The following PUDP variants were observed in gnomAD, a reference collection of about 807,000 sequenced individuals.
The protein encoded by PUDP is pseudouridine 5'-phosphatase, also known as pseudouridine-5'-phosphatase.
PUDP carries 8 observed loss-of-function variants against 9.4 expected under a neutral mutation model. That is an observed-to-expected ratio of 0.85 (90% CI 0.50 to 1.53). The LOEUF is 1.53. Ranked by LOEUF, PUDP falls within the 40% of genes most tolerant of loss-of-function variation. The pLI is 0.00. For synonymous variants in PUDP, 99 were observed against 80.7 expected (o/e 1.23, Z -1.22); for missense variants, 188 against 189.7 (o/e 0.99, Z 0.05).
intron 3 of PUDP, among the ~76,000 whole-genome samples, chrX:7,072,670 C>T (rs1343865408): frequency 2.7e-5 from 3 of 109,479 alleles, no homozygotes; most frequent in Non-Finnish European, 3.8e-5. Flanking sequence ...AAAAATTAGC[C>T]GGGCGTGGTG....
At chrX:7,122,213 A>ATGTG (rs1448276605) in intron 1 of PUDP, among the ~76,000 whole-genome samples, 5 of 59,868 alleles carry the variant, frequency 8.4e-5, no homozygotes, top group African/African-American at 4.5e-4. Flanking sequence ...AAAAACCCAT[A>ATGTG]TATGTGTGTG....
At chrX:6,935,005 G>C (rs1397216707) in intron 3 of PUDP, among the ~76,000 whole-genome samples, 6 of 77,364 alleles carry the variant, frequency 7.8e-5, no homozygotes, top group African/African-American at 2.9e-4. Context: ...GACCTACAAA[G>C]AGACTTAGAC....
At chrX:7,028,042 ATT>A (rs1929743695) in intron 1 of PUDP, among the ~76,000 whole-genome samples, 1 of 105,454 alleles carries the variant, frequency 9.5e-6, no homozygotes, top group South Asian at 4.1e-4. Context: ...ATAGAATGAT[ATT>A]GTCTATATAT....
chrX:7,085,963 C>T (rs186534705), intron 2 of PUDP, among the ~76,000 whole-genome samples: 4,490 of 112,061 alleles, frequency 0.04, 214 homozygotes, highest in African/African-American at 0.14. Flanking sequence ...GTTCCAGCCA[C>T]TCCTGCAGAC....
chrX:6,754,103 G>C (rs1294649218), intron 3 of PUDP, among the ~76,000 whole-genome samples: 4 of 111,888 alleles, frequency 3.6e-5, no homozygotes, highest in Non-Finnish European at 5.6e-5. Context: ...AATTTTTATA[G>C]TTTCAGGTCC....
intron 3 of PUDP, among the ~76,000 whole-genome samples, chrX:6,975,122 T>TC (rs1160126298): frequency 9.1e-6 from 1 of 110,400 alleles, no homozygotes; most frequent in Non-Finnish European, 1.9e-5. Context: ...TAACCTTTTT[T>TC]CAAGGTTCTT....
At chrX:6,920,451 C>G (rs185027962) in intron 3 of PUDP, among the ~76,000 whole-genome samples, 1 of 111,560 alleles carries the variant, frequency 9.0e-6, no homozygotes, top group Non-Finnish European at 1.9e-5. Flanking sequence ...GGAAAATTAT[C>G]TTGGGCCCCC....
intron 1 of PUDP, among the ~76,000 whole-genome samples, chrX:7,036,539 C>G (rs776553621): frequency 1.1e-3 from 123 of 110,022 alleles, no homozygotes; most frequent in African/African-American, 3.9e-3. Flanking sequence ...CCCTCCCATC[C>G]CCCTCTTTTT....
At chrX:7,126,128 C>T (rs1932480618) in intron 1 of PUDP, among the ~76,000 whole-genome samples, 1 of 112,082 alleles carries the variant, frequency 8.9e-6, no homozygotes, top group African/African-American at 3.2e-5. Flanking sequence ...AACAGCAATA[C>T]ACAGTACAAA....
At chrX:6,830,208 A>G (rs1326488364) in intron 3 of PUDP, among the ~76,000 whole-genome samples, 12 of 110,858 alleles carry the variant, frequency 1.1e-4, no homozygotes, top group Non-Finnish European at 2.3e-4. Flanking sequence ...AAAAAGCAAC[A>G]CGGATCTAGG....
intron 3 of PUDP, among the ~76,000 whole-genome samples, chrX:6,841,870 TA>T (rs774607597): frequency 1.5e-4 from 17 of 111,104 alleles, no homozygotes; most frequent in Non-Finnish European, 2.8e-4. Flanking sequence ...CCTGATTAAC[TA>T]AAAGAAATAG....
chrX:6,767,563 C>T (rs1283386159), intron 3 of PUDP, among the ~76,000 whole-genome samples: 1 of 112,419 alleles, frequency 8.9e-6, no homozygotes, highest in African/African-American at 3.2e-5. Flanking sequence ...AGCAGGTATC[C>T]TTTGCCCACG....
chrX:7,111,807 C>T (rs977743703), intron 1 of PUDP, among the ~76,000 whole-genome samples: 3 of 111,592 alleles, frequency 2.7e-5, no homozygotes, highest in Non-Finnish European at 5.6e-5. Context: ...GTGTTGTGCT[C>T]TGAGCGCTTG....
chrX:7,037,251 G>C (rs1929865541), intron 1 of PUDP, among the ~76,000 whole-genome samples: 1 of 111,515 alleles, frequency 9.0e-6, no homozygotes, highest in African/African-American at 3.3e-5. Flanking sequence ...AGCATAGCAG[G>C]ACATCTTCCA....
chrX:7,106,436 C>A (rs1931885406), intron 1 of PUDP, among the ~76,000 whole-genome samples: 1 of 112,325 alleles, frequency 8.9e-6, no homozygotes, highest in Non-Finnish European at 1.9e-5. Flanking sequence ...ACATAGTGAG[C>A]CTGCAGGTGC....
intron 2 of PUDP, 74 bp from the exon 3 acceptor site, chrX:7,077,523 C>T (rs1049852929): frequency 1.3e-4 from 103 of 796,724 alleles, no homozygotes; most frequent in Non-Finnish European, 1.8e-4. Flanking sequence ...GGGACAGTCC[C>T]TCCAGCTGTG....
At chrX:6,835,403 C>A (rs1306404438) in intron 3 of PUDP, among the ~76,000 whole-genome samples, 1 of 111,455 alleles carries the variant, frequency 9.0e-6, no homozygotes, top group East Asian at 2.8e-4. Context: ...TTCTGACCTG[C>A]AGAACTGTGA....
chrX:6,767,839 G>A (rs1298192253), intron 3 of PUDP, among the ~76,000 whole-genome samples: 5 of 111,715 alleles, frequency 4.5e-5, no homozygotes, highest in Non-Finnish European at 9.4e-5. Context: ...CTGCACGTGT[G>A]CTTTAAAGTG....
intron 3 of PUDP, among the ~76,000 whole-genome samples, chrX:6,789,846 T>C (rs1465582458): frequency 1.4e-5 from 1 of 73,507 alleles, no homozygotes; most frequent in Non-Finnish European, 2.5e-5. Context: ...GATAGATAGA[T>C]TATAGAGAAA....
Sources: allele counts gnomAD v4.1 joint callset (sites outside exome capture counted in the v4.1 genomes callset), GRCh38; gene constraint gnomAD v4.1.1; transcripts MANE v1.5; gene names NCBI Gene and HGNC (gene_info 2026-07-23, HGNC 2026-07-21).